The following VPS11 variants were observed in gnomAD, a reference collection of about 807,000 sequenced individuals.
VPS11 encodes VPS11 core subunit of CORVET and HOPS complexes, also known as vacuolar protein sorting-associated protein 11 homolog.
VPS11 carries 51 observed loss-of-function variants against 106.8 expected under a neutral mutation model. The observed-to-expected ratio is 0.48, with a 90% CI of 0.38 to 0.60. The LOEUF (loss-of-function observed/expected upper bound fraction) is 0.60, where lower values mean the gene tolerates loss of function less well. VPS11 is among the 20% of genes least tolerant of loss of function. VPS11 has a pLI of 0.00. For missense variants in VPS11, 950 were observed against 1,190.0 expected, an observed-to-expected ratio of 0.80 and a Z score of 2.97; for synonymous variants, 453 against 458.7, an observed-to-expected ratio of 0.99 and a Z score of 0.16.
In VPS11 at chr11:119,073,231, C is replaced by T. The variant is rs1009921792; in HGVS notation, c.918C>T (p.Ser306=). ...SEFTSRDSQS[S]DKQILNIYDL... is the part of the protein sequence containing the mutation. ...TTACCAGCAGGGATTCACAGAGCTC[C>T]GACAAGCAGATTCTAAACATCTATG... Residue 306 remains serine (S), a synonymous_variant, in exon 6 of 16, where the codon TCC becomes TCT. Coordinates refer to ENST00000621676, the MANE Select transcript of VPS11 (RefSeq NM_021729.6). 7 of 1,613,498 alleles carry T rather than the reference C, an allele frequency of 4.3e-6. No homozygotes were observed. The highest frequency in any genetic ancestry group is 4.5e-5 in the East Asian group (2 of 44,892).
chr11:119,078,725 A>G lies in VPS11; in HGVS notation c.2063+21A>G, dbSNP rs183964803. ...AAGCTGTAAGAGTTTGGGGAATTTC[A>G]GGGAAAGGGGAAGAATCCAAGTCAT... On this transcript the variant is annotated intron_variant, in intron 12 of 15. Transcript: ENST00000621676. The G allele has an allele frequency of 2.7e-4, 439 of 1,609,342 alleles. 2 individuals are homozygous for G. In the African/African-American group the frequency reaches 5.5e-3, roughly 20 times the overall value.
At position 119,078,038 on chromosome 11, in the gene VPS11, G is replaced by A. The variant is rs782088087; in HGVS notation, c.1733G>A (p.Arg578His). 6 of 1,611,974 alleles carry A rather than the reference G, an allele frequency of 3.7e-6. No homozygotes were observed. The East Asian group carries it at 8.9e-5, about 24-fold the overall frequency. ...GATTATCGGCCCAGCCTCGAAGGCC[G>A]CAGCGATAGGGAGGCCCCAGGCTGC... ...CTDYRPSLEG[R>H]SDREAPGCRA... Residue 578 changes from arginine to histidine, a missense_variant, in exon 10 of 16, where the codon CGC becomes CAC. Arg to His is a conservative substitution (Grantham distance 29). Coordinates refer to ENST00000621676, the MANE Select transcript of VPS11 (RefSeq NM_021729.6).
At chr11:119,069,095 C>T in intron 1 of VPS11, 101 bp from the exon 2 acceptor site, 1 of 1,393,554 alleles carries the variant, frequency 7.2e-7, no homozygotes, top group South Asian at 1.2e-5. Context: ...GTGGGAAAAT[C>T]CTTGAAAATT....
intron 7 of VPS11, among the ~76,000 whole-genome samples, chr11:119,076,662 C>T (rs1401611619): frequency 2.0e-5 from 3 of 152,112 alleles, no homozygotes; most frequent in Non-Finnish European, 2.9e-5. Context: ...TTTAGAATTC[C>T]TATTTTTAGC....
chr11:119,079,794 C>T (rs998799126), intron 14 of VPS11, among the ~76,000 whole-genome samples: 1 of 151,708 alleles, frequency 6.6e-6, no homozygotes, highest in Non-Finnish European at 1.5e-5. Flanking sequence ...AGGCTGGTCT[C>T]GAACTCCTGG....
Position 119,081,590 on chromosome 11 carries a change from C to A in VPS11, c.2793C>A (p.Arg931=). The change falls in exon 16 of 16, where the codon CGC becomes CGA. Residue 931 remains arginine (R), a synonymous_variant. Coordinates refer to ENST00000621676, the MANE Select transcript of VPS11 (RefSeq NM_021729.6). ...CCAGCCTGGAGGCTGGGCTGCAACG[C>A]GACCTACTCATGCACTCCAGGAGGG... ...LTSSLEAGLQ[R]DLLMHSRRGT 1 of 1,613,968 alleles carries A rather than the reference C, an allele frequency of 6.2e-7. No individual in the cohort carries two copies. The highest frequency in any genetic ancestry group is 8.5e-7 in the Non-Finnish European group (1 of 1,179,896).
chr11:119,081,215 T>G lies in VPS11; in HGVS notation c.2562T>G (p.Asp854Glu), dbSNP rs548368748. Residue 854 changes from aspartate to glutamate, a missense_variant, in exon 15 of 16, where the codon GAT (aspartate) becomes GAG (glutamate). Physicochemically the swap from Asp to Glu is conservative, Grantham distance 45. This residue lies in a region of VPS11 where 453 missense variants were observed against 514.6 expected (regional missense o/e 0.88). Transcript: ENST00000621676. ...QHCFESYSESDADCPTCLPEN... is the reference protein window; with the variant it reads ...QHCFESYSESEADCPTCLPEN... ...GCTTTGAGAGTTACTCGGAAAGTGA[T>G]GCTGACTGCCCCACCTGCCTCCCTG... The G allele has an allele frequency of 6.2e-7, 1 of 1,614,010 alleles. No homozygotes were observed. The highest frequency in any genetic ancestry group is 8.5e-7 in the Non-Finnish European group (1 of 1,179,898).
chr11:119,076,837 T>C, intron 7 of VPS11, 60 bp from the exon 8 acceptor site: 1 of 1,579,670 alleles, frequency 6.3e-7, no homozygotes, highest in Non-Finnish European at 8.7e-7. Context: ...GTGATTCCTG[T>C]GTACATGAGC....
In VPS11 at chr11:119,078,298, G is replaced by T; in HGVS notation, c.1887G>T (p.Leu629=). 1 of 1,612,818 alleles carries T rather than the reference G, an allele frequency of 6.2e-7. No individual in the cohort carries two copies. Among genetic ancestry groups the T allele is most frequent in the Non-Finnish European group, 8.5e-7 (1 of 1,179,878 alleles). Residue 629 remains leucine, a synonymous_variant, in exon 11 of 16, where the codon CTG becomes CTT. Transcript: ENST00000621676. ...GGATCTACGACACACTCCTTGAGCT[G>T]CGACTGCAGAACTGGGCCCACGAGA... ...PQGIYDTLLE[L]RLQNWAHEKD...
chr11:119,079,239 G>C lies in VPS11; in HGVS notation c.2377G>C (p.Val793Leu). The change falls in exon 14 of 16, where the codon GTG (valine) becomes CTG (leucine). Residue 793 changes from valine (V) to leucine (L), a missense_variant. Val to Leu is a conservative substitution (Grantham distance 32). Coordinates refer to ENST00000621676, the MANE Select transcript of VPS11 (RefSeq NM_021729.6). The part of the protein sequence containing the change: ...SQQIAQDELR[V>L]RRYREETTRI... ...GCAGATTGCACAGGATGAGCTGCGG[G>C]TGCGGCGGTACCGAGAGGAGACCAC... 6.2e-7 allele frequency: 1 copy of C among 1,610,164 alleles called. No individual in the cohort carries two copies. The highest frequency in any genetic ancestry group is 8.5e-7 in the Non-Finnish European group (1 of 1,178,246).
chr11:119,073,085 C>A, intron 5 of VPS11, 113 bp from the exon 6 acceptor site: 1 of 1,213,614 alleles, frequency 8.2e-7, no homozygotes, highest in Non-Finnish European at 1.2e-6. Context: ...TGAGAGGGAC[C>A]AGAGAGGTGA....
At position 119,069,434 on chromosome 11, in the gene VPS11, G is replaced by C. The variant is rs1342098079; in HGVS notation, c.337-8G>C. The C allele has an allele frequency of 6.8e-6, 11 of 1,613,856 alleles. No individual in the cohort carries two copies. Among genetic ancestry groups the C allele is most frequent in the Non-Finnish European group, 9.3e-6 (11 of 1,179,884 alleles). Reference sequence around the variant, plus strand: ...ACTAGCATTTACACTTCTGAGGTCTGTCCACAGGTTAAGATCTGGAACCTG... The same window carrying C: ...ACTAGCATTTACACTTCTGAGGTCTCTCCACAGGTTAAGATCTGGAACCTG... On this transcript the variant is annotated splice_region_variant and splice_polypyrimidine_tract_variant and intron_variant, in intron 2 of 15. Transcript: ENST00000621676.
chr11:119,075,914 AGAT>A lies in VPS11; in HGVS notation c.1239-982_1239-980del, dbSNP rs1257204022. On this transcript the variant is annotated intron_variant, in intron 7 of 15. Transcript: ENST00000621676. Reference sequence around the variant, plus strand: ...AAGACTCTATCAAAAAAATAATAGTAGATAATAATAATAATAATAAATAAATAA... The same window carrying A: ...AAGACTCTATCAAAAAAATAATAGTAAATAATAATAATAATAAATAAATAA... Among the ~76,000 whole-genome samples, 5 of 136,798 alleles carry A rather than the reference AGAT, an allele frequency of 3.7e-5. No individual in the cohort carries two copies. The Admixed American group carries it at 3.9e-4, about 11-fold the overall frequency. The allele number at this position is 136,798 out of a possible 152,430, so 89.7% of individuals were successfully genotyped here. A position where few individuals can be genotyped will look rare whatever the true frequency, so the allele number is the denominator to read the frequency against.
At chr11:119,073,436 C>T (rs1192659292) in intron 6 of VPS11, 37 bp downstream of exon 6, 3 of 1,601,672 alleles carry the variant, frequency 1.9e-6, no homozygotes, top group East Asian at 2.2e-5. Context: ...GCCACAGGCA[C>T]CTAGAAGCAG....
chr11:119,069,108 A>C (rs1158373198), intron 1 of VPS11, 88 bp from the exon 2 acceptor site: 36 of 1,500,074 alleles, frequency 2.4e-5, no homozygotes, highest in Middle Eastern at 4.9e-4. Context: ...TGAAAATTTT[A>C]GAGTTATATA....
chr11:119,070,023 TAAATA>T (rs1235232769), intron 3 of VPS11, among the ~76,000 whole-genome samples: 7 of 151,244 alleles, frequency 4.6e-5, no homozygotes, highest in African/African-American at 1.5e-4. Context: ...AATAAATAAA[TAAATA>T]AAATAAATAA....
rs2133639268 is a variant in VPS11, at chr11:119,067,871, G to A, written c.48G>A (p.Glu16=). The change falls in exon 1 of 16, where the codon GAG becomes GAA. Residue 16 remains glutamate (E), a synonymous_variant. Transcript: ENST00000621676. Reference sequence around the variant, plus strand: ...GGCGCTTCGTTTTCTTCGACAAGGAGCTGGTGAAGGAGCCGCTGAGCAATG... The same window carrying A: ...GGCGCTTCGTTTTCTTCGACAAGGAACTGGTGAAGGAGCCGCTGAGCAATG... ...QWRRFVFFDK[E]LVKEPLSNDG... The A allele has an allele frequency of 1.6e-5, 25 of 1,573,578 alleles. No homozygotes were observed. The highest frequency in any genetic ancestry group is 2.7e-5 in the African/African-American group (2 of 74,062).
chr11:119,074,783 C>A (rs987111864), intron 7 of VPS11, among the ~76,000 whole-genome samples: 2 of 152,074 alleles, frequency 1.3e-5, no homozygotes, highest in Non-Finnish European at 2.9e-5. Flanking sequence ...ATTTTAGGGT[C>A]AAATATTATA....
chr11:119,069,496 A>G lies in VPS11; in HGVS notation c.391A>G (p.Ile131Val). The change falls in exon 3 of 16, where the codon ATC becomes GTC. Residue 131 changes from isoleucine to valine, a missense_variant. Coordinates refer to ENST00000621676, the MANE Select transcript of VPS11 (RefSeq NM_021729.6). ...TGGTGGCAATCCACTCTGCACTCGA[A>G]TCTTCCCTGCTATTCCAGGAACAGA... is the stretch of plus-strand genomic sequence containing the variant. ...RDGGNPLCTR[I>V]FPAIPGTEPT... is the part of the protein sequence containing the mutation. 6.2e-7 allele frequency: 1 copy of G among 1,614,016 alleles called. No homozygotes were observed. The highest frequency in any genetic ancestry group is 8.5e-7 in the Non-Finnish European group (1 of 1,179,890).
Sources: gnomAD v4.1 joint callset for allele counts (sites outside exome capture counted in the v4.1 genomes callset) on GRCh38, gnomAD v4.1.1 for gene constraint, gnomAD v4.1.1 regional missense constraint, MANE v1.5 for transcripts, NCBI Gene and HGNC (gene_info 2026-07-23, HGNC 2026-07-21) for gene names.